Variants in TMEM215 observed in about 807,000 individuals in gnomAD.
TMEM215 encodes transmembrane protein 215.
A neutral mutation model predicts 14.7 loss-of-function variants in TMEM215; 12 were observed. The ratio of observed to expected loss-of-function variants is 0.82; its 90% CI spans 0.52 to 1.33. The LOEUF (loss-of-function observed/expected upper bound fraction) is 1.33. Ranked by LOEUF, TMEM215 falls within the 40% of genes most tolerant of loss-of-function variation. The pLI, the probability that TMEM215 is intolerant of heterozygous loss-of-function variation, is 0.00. For missense variants in TMEM215, 276 were observed against 296.2 expected (o/e 0.93, Z 0.50); for synonymous variants, 122 against 124.8 (o/e 0.98, Z 0.15).
At position 32,785,401 on chromosome 9, in the gene TMEM215, C is replaced by T. The variant is rs644337; in HGVS notation, c.*510C>T. ...GCTGAAAGAAAAAAAAATCAAGATA[C>T]AAGAGTTAAACCCTCCTTAGATGGG... On this transcript the variant is annotated 3_prime_UTR_variant, in exon 2 of 2. Transcript: ENST00000342743. 161,244 of 168,718 alleles carry T rather than the reference C, an allele frequency of 0.96. 77,152 individuals are homozygous for T. The highest frequency in any genetic ancestry group is 1 in the East Asian group (5,178 of 5,200). 10.5% of individuals were successfully genotyped at this position (168,718 alleles called of 1,614,324 possible). A position where few individuals can be genotyped will look rare whatever the true frequency, so the allele number is the denominator to read the frequency against.
rs954730288 is a variant in TMEM215 at position 32,785,974 on chromosome 9, C to G, written c.*1083C>G. On this transcript the variant is annotated 3_prime_UTR_variant, in exon 2 of 2. Coordinates refer to ENST00000342743, the MANE Select transcript of TMEM215 (RefSeq NM_212558.3). ...ACAAGAACTCATCTACTAAATTTAA[C>G]TGAAGCCTAGATTTTATTAAGCTCA... 2 of 166,960 alleles carry G rather than the reference C, an allele frequency of 1.2e-5. No homozygotes were observed. Among genetic ancestry groups the G allele is most frequent in the African/African-American group, 4.8e-5 (2 of 41,448 alleles). The allele number at this position is 166,960 out of a possible 1,614,324, so 10.3% of individuals were successfully genotyped here.
At position 32,784,387 on chromosome 9, in the gene TMEM215, G is replaced by A. The variant is rs746699383; in HGVS notation, c.204G>A (p.Lys68=). The A allele has an allele frequency of 2.5e-6, 4 of 1,614,128 alleles. No homozygotes were observed. The highest frequency in any genetic ancestry group is 4.5e-5 in the East Asian group (2 of 44,892). ...CCAGGAAAACCGAGGGATGCACCAAGTGGCCAGAGAACGAGCTGCTGTGGG... is the reference window on the plus strand; with the variant it reads ...CCAGGAAAACCGAGGGATGCACCAAATGGCCAGAGAACGAGCTGCTGTGGG... ...ALARKTEGCT[K]WPENELLWVR... Residue 68 remains lysine (K), a synonymous_variant, in exon 2 of 2, where the codon AAG becomes AAA. Coordinates refer to ENST00000342743, the MANE Select transcript of TMEM215 (RefSeq NM_212558.3).
rs1824493350 is a variant in TMEM215, at chr9:32,785,180, C to T, written c.*289C>T. On this transcript the variant is annotated 3_prime_UTR_variant, in exon 2 of 2. Coordinates refer to ENST00000342743, the MANE Select transcript of TMEM215 (RefSeq NM_212558.3). ...AATGTTAAATGTTTTGTAAAATAAC[C>T]CAAAAAGTGCTATCCAGAACCAGCT... 4 of 342,328 alleles carry T rather than the reference C, an allele frequency of 1.2e-5. No homozygotes were observed. The East Asian group carries it at 2.3e-4, about 20-fold the overall frequency. 21.2% of individuals were successfully genotyped at this position (342,328 alleles called of 1,614,324 possible).
rs10971128 is a variant in TMEM215, at chr9:32,785,078, C to T, written c.*187C>T. 0.052 allele frequency: 31,296 copies of T among 606,278 alleles called. 967 individuals carry two copies. Among genetic ancestry groups the T allele is most frequent in the Non-Finnish European group, 0.067 (22,578 of 335,172 alleles). 37.6% of individuals were successfully genotyped at this position (606,278 alleles called of 1,614,324 possible). Reference sequence around the variant, plus strand: ...GTTGGGGACACATTTTAGGGAAGGGCGATGAGGGTTAAGGACACTGGAAGA... The same window carrying T: ...GTTGGGGACACATTTTAGGGAAGGGTGATGAGGGTTAAGGACACTGGAAGA... On this transcript the variant is annotated 3_prime_UTR_variant, in exon 2 of 2. Coordinates refer to ENST00000342743, the MANE Select transcript of TMEM215 (RefSeq NM_212558.3).
chr9:32,784,491 C>A lies in TMEM215; in HGVS notation c.308C>A (p.Ser103Tyr). ...ELLRTPSDLE[S>Y]GKGSSDELAK... The stretch of plus-strand genomic sequence containing the variant: ...CTGAGGACCCCTTCAGACCTAGAAT[C>A]CGGCAAGGGGAGCTCAGATGAGCTG... The change falls in exon 2 of 2, where the codon TCC (serine) becomes TAC (tyrosine). Residue 103 changes from serine (S) to tyrosine (Y), a missense_variant. By Grantham distance (144) the Ser-to-Tyr change is moderately radical. Coordinates refer to ENST00000342743, the MANE Select transcript of TMEM215 (RefSeq NM_212558.3). 1 of 1,614,056 alleles carries A rather than the reference C, an allele frequency of 6.2e-7. No individual in the cohort carries two copies. The highest frequency in any genetic ancestry group is 1.1e-5 in the South Asian group (1 of 91,084).
intron 1 of TMEM215, 81 bp from the exon 2 acceptor site, chr9:32,784,045 G>C: frequency 2.7e-6 from 2 of 749,198 alleles, no homozygotes; most frequent in South Asian, 1.9e-5. Context: ...CGGAGACAAA[G>C]GGCAAGAGAA....
Position 32,785,850 on chromosome 9 carries a change from T to C in TMEM215, c.*959T>C, listed in dbSNP as rs1285772753. 1.8e-5 allele frequency: 3 copies of C among 166,894 alleles called. No individual in the cohort carries two copies. The highest frequency in any genetic ancestry group is 2.9e-5 in the Non-Finnish European group (2 of 68,108). 10.3% of individuals were successfully genotyped at this position (166,894 alleles called of 1,614,324 possible). A position where few individuals can be genotyped will look rare whatever the true frequency, so the allele number is the denominator to read the frequency against. ...AAAGTCTACACATTAGCCTTGAACA[T>C]TGCACATAATTTGTATGAAATGCAA... On this transcript the variant is annotated 3_prime_UTR_variant, in exon 2 of 2. Transcript: ENST00000342743.
At position 32,785,078 on chromosome 9, in the gene TMEM215, C is replaced by A. The variant is rs10971128; in HGVS notation, c.*187C>A. 23 of 606,308 alleles carry A rather than the reference C, an allele frequency of 3.8e-5. No individual in the cohort carries two copies. The highest frequency in any genetic ancestry group is 6.9e-5 in the Non-Finnish European group (23 of 335,288). 37.6% of individuals were successfully genotyped at this position (606,308 alleles called of 1,614,324 possible). On this transcript the variant is annotated 3_prime_UTR_variant, in exon 2 of 2. Transcript: ENST00000342743. ...GTTGGGGACACATTTTAGGGAAGGG[C>A]GATGAGGGTTAAGGACACTGGAAGA...
chr9:32,784,465 G>A lies in TMEM215; in HGVS notation c.282G>A (p.Leu94=). ...CCAAAGACAAGGAGGTGGTAGAGCTGCTGAGGACCCCTTCAGACCTAGAAT... is the reference window on the plus strand; with the variant it reads ...CCAAAGACAAGGAGGTGGTAGAGCTACTGAGGACCCCTTCAGACCTAGAAT... ...RKPKDKEVVE[L]LRTPSDLESG... Residue 94 remains leucine (L), a synonymous_variant, in exon 2 of 2, where the codon CTG becomes CTA. Coordinates refer to ENST00000342743, the MANE Select transcript of TMEM215 (RefSeq NM_212558.3). 5 of 1,614,136 alleles carry A rather than the reference G, an allele frequency of 3.1e-6. No individual in the cohort carries two copies. Among genetic ancestry groups the A allele is most frequent in the Non-Finnish European group, 4.2e-6 (5 of 1,180,038 alleles).
Position 32,784,220 on chromosome 9 carries a change from G to T in TMEM215, c.37G>T (p.Val13Leu). The T allele has an allele frequency of 6.2e-7, 1 of 1,614,140 alleles. No individual in the cohort carries two copies. Among genetic ancestry groups the T allele is most frequent in the Non-Finnish European group, 8.5e-7 (1 of 1,179,988 alleles). ...TGACATTAACCCGAGGACTGGGCTG[G>T]TGGTGGCCCTGGTCAGTGTCTTCCT... ...PDDINPRTGL[V>L]VALVSVFLVF... Residue 13 changes from valine (V) to leucine (L), a missense_variant, in exon 2 of 2, where the codon GTG becomes TTG. By Grantham distance (32) the Val-to-Leu change is conservative. Coordinates refer to ENST00000342743, the MANE Select transcript of TMEM215 (RefSeq NM_212558.3).
rs1480698721 is a variant in TMEM215 at position 32,785,896 on chromosome 9, T to C, written c.*1005T>C. ...TGCAATGGTTAAACCTTTGGAAGTGTCATTATTTGTACATTTGTTCAACTC... is the reference window on the plus strand; with the variant it reads ...TGCAATGGTTAAACCTTTGGAAGTGCCATTATTTGTACATTTGTTCAACTC... On this transcript the variant is annotated 3_prime_UTR_variant, in exon 2 of 2. Coordinates refer to ENST00000342743, the MANE Select transcript of TMEM215 (RefSeq NM_212558.3). The C allele has an allele frequency of 1.8e-5, 3 of 166,952 alleles. No homozygotes were observed. The highest frequency in any genetic ancestry group is 7.2e-5 in the African/African-American group (3 of 41,458). The allele number at this position is 166,952 out of a possible 1,614,324, so 10.3% of individuals were successfully genotyped here.
chr9:32,787,711 A>G lies in TMEM215; in HGVS notation c.*2820A>G, dbSNP rs1824522924. ...ACAGTTTTAGCAAATTGTTCTTATC[A>G]ATATAATAGACATGAGGATTGTTCC... On this transcript the variant is annotated 3_prime_UTR_variant, in exon 2 of 2. Coordinates refer to ENST00000342743, the MANE Select transcript of TMEM215 (RefSeq NM_212558.3). Among the ~76,000 whole-genome samples, 1 of 152,116 alleles carries G rather than the reference A, an allele frequency of 6.6e-6. No homozygotes were observed. Among genetic ancestry groups the G allele is most frequent in the African/African-American group, 2.4e-5 (1 of 41,456 alleles).
At position 32,785,688 on chromosome 9, in the gene TMEM215, G is replaced by A. The variant is rs1380349759; in HGVS notation, c.*797G>A. The A allele has an allele frequency of 1.2e-5, 2 of 166,480 alleles. No homozygotes were observed. Among genetic ancestry groups the A allele is most frequent in the African/African-American group, 4.8e-5 (2 of 41,400 alleles). 10.3% of individuals were successfully genotyped at this position (166,480 alleles called of 1,614,324 possible). ...TTCCTTACCAGGTGCAACATTATTT[G>A]AAATGATACTTTCATAGATTGGAAT... On this transcript the variant is annotated 3_prime_UTR_variant, in exon 2 of 2. Coordinates refer to ENST00000342743, the MANE Select transcript of TMEM215 (RefSeq NM_212558.3).
In TMEM215 at chr9:32,786,930, A is replaced by C. The variant is rs535538311; in HGVS notation, c.*2039A>C. Reference sequence around the variant, plus strand: ...TTTCCTAAAATCACAGTAACTTTTAATAATTGTAATGCATTTTGAAAACAG... The same window carrying C: ...TTTCCTAAAATCACAGTAACTTTTACTAATTGTAATGCATTTTGAAAACAG... On this transcript the variant is annotated 3_prime_UTR_variant, in exon 2 of 2. Coordinates refer to ENST00000342743, the MANE Select transcript of TMEM215 (RefSeq NM_212558.3). 6.0e-6 allele frequency: 1 copy of C among 167,150 alleles called. No individual in the cohort carries two copies. The highest frequency in any genetic ancestry group is 2.1e-4 in the South Asian group (1 of 4,826). The allele number at this position is 167,150 out of a possible 1,614,324, so 10.4% of individuals were successfully genotyped here.
Position 32,784,526 on chromosome 9 carries a change from GC to G in TMEM215, c.344del (p.Ala115GlyfsTer131), listed in dbSNP as rs1765623022. The G allele has an allele frequency of 6.2e-7, 1 of 1,613,834 alleles. No homozygotes were observed. On this transcript the variant is annotated frameshift_variant, in exon 2 of 2. Transcript: ENST00000342743. LOFTEE classifies it high-confidence loss of function. ...GAGCTCAGATGAGCTGGCTAAGAAG[GC>G]GGGCCTCAGGGGGAAGCCTCCCCCA... is the stretch of plus-strand genomic sequence containing the variant. The part of the protein sequence containing the change: ...KGSSDELAKK[A>X]GLRGKPPPQS...
At chr9:32,783,939 C>G in intron 1 of TMEM215, 134 bp downstream of exon 1, 1 of 500,654 alleles carries the variant, frequency 2.0e-6, no homozygotes, top group East Asian at 3.3e-5. Context: ...GAAATAGAAA[C>G]AGGGAGAGAT....
In TMEM215 at chr9:32,787,147, G is replaced by C. The variant is rs376479449; in HGVS notation, c.*2256G>C. The C allele has an allele frequency of 6.0e-6, 1 of 167,036 alleles. No individual in the cohort carries two copies. The highest frequency in any genetic ancestry group is 1.5e-5 in the Non-Finnish European group (1 of 67,988). 10.3% of individuals were successfully genotyped at this position (167,036 alleles called of 1,614,324 possible). A position where few individuals can be genotyped will look rare whatever the true frequency, so the allele number is the denominator to read the frequency against. ...ATGCTTGCAGTGTCAGGTATGGTTTGGGGGTTGGAAAAGTTACTTTTCTGA... is the reference window on the plus strand; with the variant it reads ...ATGCTTGCAGTGTCAGGTATGGTTTCGGGGTTGGAAAAGTTACTTTTCTGA... On this transcript the variant is annotated 3_prime_UTR_variant, in exon 2 of 2. Coordinates refer to ENST00000342743, the MANE Select transcript of TMEM215 (RefSeq NM_212558.3).
At position 32,785,089 on chromosome 9, in the gene TMEM215, A is replaced by G; in HGVS notation, c.*198A>G. The G allele has an allele frequency of 1.7e-6, 1 of 583,372 alleles. No individual in the cohort carries two copies. The highest frequency in any genetic ancestry group is 2.3e-5 in the South Asian group (1 of 42,592). The allele number at this position is 583,372 out of a possible 1,614,324, so 36.1% of individuals were successfully genotyped here. A position where few individuals can be genotyped will look rare whatever the true frequency, so the allele number is the denominator to read the frequency against. On this transcript the variant is annotated 3_prime_UTR_variant, in exon 2 of 2. Transcript: ENST00000342743. ...ATTTTAGGGAAGGGCGATGAGGGTTAAGGACACTGGAAGAGGCAGTGGGTA... is the reference window on the plus strand; with the variant it reads ...ATTTTAGGGAAGGGCGATGAGGGTTGAGGACACTGGAAGAGGCAGTGGGTA...
rs117064572 is a variant in TMEM215 at position 32,787,758 on chromosome 9, A to C, written c.*2867A>C. On this transcript the variant is annotated 3_prime_UTR_variant, in exon 2 of 2. Transcript: ENST00000342743. ...TTCCTGGTAGCCTTCAAGAGCTCCT[A>C]GACAGATATAAATTTAAGTAGACAT... Among the ~76,000 whole-genome samples the C allele has an allele frequency of 5.9e-3, 905 of 152,254 alleles. 6 individuals carry two copies. The highest frequency in any genetic ancestry group is 0.02 in the Middle Eastern group (6 of 294).
Sources: gnomAD v4.1 joint callset for allele counts (sites outside exome capture counted in the v4.1 genomes callset) on GRCh38, gnomAD v4.1.1 for gene constraint, MANE v1.5 for transcripts, NCBI Gene and HGNC (gene_info 2026-07-23, HGNC 2026-07-21) for gene names.